Variants in LHX9 observed in about 807,000 individuals in gnomAD.
LHX9 encodes the protein LIM homeobox 9.
LHX9 carries 9 observed loss-of-function variants against 36.5 expected under a neutral mutation model. The observed-to-expected ratio is 0.25, with a 90% CI of 0.15 to 0.43. The LOEUF (loss-of-function observed/expected upper bound fraction) is 0.43. LHX9 is among the 20% of genes least tolerant of loss of function. The pLI, the probability that LHX9 is intolerant of heterozygous loss-of-function variation, is 1.00. For synonymous variants in LHX9, 211 were observed against 212.1 expected, an observed-to-expected ratio of 0.99 and a Z score of 0.04; for missense variants, 464 against 526.4, an observed-to-expected ratio of 0.88 and a Z score of 1.16.
chr1:197,929,192 T>C lies in LHX9; in HGVS notation c.1127T>C (p.Val376Ala). 1.2e-6 allele frequency: 2 copies of C among 1,603,020 alleles called. No individual in the cohort carries two copies. Among genetic ancestry groups the C allele is most frequent in the African/African-American group, 1.3e-5 (1 of 74,440 alleles). Residue 376 changes from valine to alanine, a missense_variant, in exon 5 of 5, where the codon GTG becomes GCG. Coordinates refer to ENST00000367387, the MANE Select transcript of LHX9 (RefSeq NM_020204.3). ...TNPTITVVTS[V>A]TSNMDSHESG... ...CCCACTATCACTGTAGTGACATCCG[T>C]GACCTCTAACATGGACAGCCACGAA...
At chr1:197,919,272 A>G (rs1182550123) in intron 1 of LHX9, among the ~76,000 whole-genome samples, 3 of 152,238 alleles carry the variant, frequency 2.0e-5, no homozygotes, top group Non-Finnish European at 4.4e-5. Context: ...CAGATTTTCA[A>G]GACAAAGGTC....
upstream of LHX9, chr1:197,916,515 C>T (rs1388961408): frequency 1.7e-6 from 1 of 606,060 alleles, no homozygotes; most frequent in East Asian, 2.8e-5. Flanking sequence ...TCAAATGAGA[C>T]ATTAGAATCT....
At chr1:197,917,192 C>T (rs1280653352), upstream of LHX9, 1 of 980,574 alleles carries the variant, frequency 1.0e-6, no homozygotes, top group Non-Finnish European at 1.2e-6. Context: ...TCTATCCCCC[C>T]ACCCCTTTGT....
chr1:197,920,124 C>A lies in LHX9; in HGVS notation c.327C>A (p.Leu109=), dbSNP rs758092976. ...CECKLALESE[L]TCFAKDGSIY... is the part of the protein sequence containing the mutation. Reference sequence around the variant, plus strand: ...GTAAGCTGGCCCTCGAGTCCGAGCTCACCTGCTTTGCCAAGGACGGTAGCA... The same window carrying A: ...GTAAGCTGGCCCTCGAGTCCGAGCTAACCTGCTTTGCCAAGGACGGTAGCA... Residue 109 remains leucine, a synonymous_variant, in exon 2 of 5, where the codon CTC becomes CTA. Transcript: ENST00000367387. The A allele has an allele frequency of 2.5e-6, 4 of 1,614,122 alleles. No individual in the cohort carries two copies. The African/African-American group carries it at 5.3e-5, about 22-fold the overall frequency.
intron 1 of LHX9, 67 bp from the exon 2 acceptor site, chr1:197,919,905 G>C: frequency 6.4e-7 from 1 of 1,552,062 alleles, no homozygotes; most frequent in African/African-American, 1.3e-5. Flanking sequence ...TCTGCCTGGG[G>C]GAGAACCCCG....
chr1:197,927,563 A>T, intron 3 of LHX9, 28 bp from the exon 4 acceptor site: 1 of 1,587,522 alleles, frequency 6.3e-7, no homozygotes, highest in Non-Finnish European at 8.7e-7. Flanking sequence ...TCCACTGAGC[A>T]GTTGTTTGTT....
intron 1 of LHX9, chr1:197,918,436 T>C (rs1659850603): frequency 2.8e-6 from 2 of 714,838 alleles, no homozygotes; most frequent in South Asian, 1.5e-5. Flanking sequence ...TCTCTGGGCC[T>C]GATGACCGGA....
chr1:197,917,583 ATTGT>A lies in LHX9; in HGVS notation c.-234_-231del, dbSNP rs1203038457. The A allele has an allele frequency of 2.0e-6, 3 of 1,500,238 alleles. No individual in the cohort carries two copies. Among genetic ancestry groups the A allele is most frequent in the South Asian group, 2.5e-5 (2 of 80,780 alleles). The allele number at this position is 1,500,238 out of a possible 1,614,324, so 92.9% of individuals were successfully genotyped here. A position where few individuals can be genotyped will look rare whatever the true frequency, so the allele number is the denominator to read the frequency against. On this transcript the variant is annotated 5_prime_UTR_variant, in exon 1 of 5. Coordinates refer to ENST00000367387, the MANE Select transcript of LHX9 (RefSeq NM_020204.3). Reference sequence around the variant, plus strand: ...TACGCCTCTTTTTCCCTCCGCCCGAATTGTTTGTTTTCTGCACATCTCCTTCAGG... The same window carrying A: ...TACGCCTCTTTTTCCCTCCGCCCGAATTGTTTTCTGCACATCTCCTTCAGG...
upstream of LHX9, chr1:197,912,754 T>C: frequency 1.5e-6 from 1 of 654,972 alleles, no homozygotes; most frequent in Non-Finnish European, 2.7e-6. Flanking sequence ...ATAGGACTCC[T>C]GAAACCCTCC....
upstream of LHX9, chr1:197,916,579 C>A: frequency 1.5e-6 from 1 of 680,620 alleles, no homozygotes; most frequent in Non-Finnish European, 2.7e-6. Context: ...CGCCCTATGG[C>A]CAAGGCGCAA....
Position 197,917,598 on chromosome 1 carries a change from C to G in LHX9, c.-226C>G. The G allele has an allele frequency of 6.6e-7, 1 of 1,508,616 alleles. No homozygotes were observed. The highest frequency in any genetic ancestry group is 8.9e-7 in the Non-Finnish European group (1 of 1,125,806). 93.5% of individuals were successfully genotyped at this position (1,508,616 alleles called of 1,614,324 possible). A position where few individuals can be genotyped will look rare whatever the true frequency, so the allele number is the denominator to read the frequency against. ...CTCCGCCCGAATTGTTTGTTTTCTG[C>G]ACATCTCCTTCAGGGAGCCGCTGAG... On this transcript the variant is annotated 5_prime_UTR_variant, in exon 1 of 5. Transcript: ENST00000367387.
chr1:197,929,804 T>C lies in LHX9; in HGVS notation c.*545T>C, dbSNP rs1660274893. The C allele has an allele frequency of 1.1e-6, 1 of 941,586 alleles. No individual in the cohort carries two copies. Among genetic ancestry groups the C allele is most frequent in the African/African-American group, 1.8e-5 (1 of 56,324 alleles). The allele number at this position is 941,586 out of a possible 1,614,324, so 58.3% of individuals were successfully genotyped here. ...TTCTTACCTGAACTGTTAATTCAAG[T>C]GAGGAATATGATGAAATAAAAGCAT... is the stretch of plus-strand genomic sequence containing the variant. On this transcript the variant is annotated 3_prime_UTR_variant, in exon 5 of 5. Transcript: ENST00000367387.
In LHX9 at chr1:197,927,872, G is replaced by C. The variant is rs6428423; in HGVS notation, c.936+79G>C. 3.3e-3 allele frequency: 4,184 copies of C among 1,254,288 alleles called. 110 individuals carry two copies. In the African/African-American group the frequency reaches 0.054, roughly 16 times the overall value. The allele number at this position is 1,254,288 out of a possible 1,614,324, so 77.7% of individuals were successfully genotyped here. A position where few individuals can be genotyped will look rare whatever the true frequency, so the allele number is the denominator to read the frequency against. Reference sequence around the variant, plus strand: ...AAAATAGTGCTCTTCCCTGGTTAGAGTGACGCAGATATTTCCTATATTGCT... The same window carrying C: ...AAAATAGTGCTCTTCCCTGGTTAGACTGACGCAGATATTTCCTATATTGCT... On this transcript the variant is annotated intron_variant, in intron 4 of 4. Coordinates refer to ENST00000367387, the MANE Select transcript of LHX9 (RefSeq NM_020204.3).
rs1217780243 is a variant in LHX9 at position 197,917,487 on chromosome 1, T to C, written c.-337T>C. 5 of 1,370,872 alleles carry C rather than the reference T, an allele frequency of 3.6e-6. No homozygotes were observed. The African/African-American group carries it at 7.3e-5, about 20-fold the overall frequency. The allele number at this position is 1,370,872 out of a possible 1,614,324, so 84.9% of individuals were successfully genotyped here. On this transcript the variant is annotated 5_prime_UTR_variant, in exon 1 of 5. Transcript: ENST00000367387. ...ACTATTTTCTTTCTTCACCAGATTT[T>C]GTTTTCCTCCCCCCGCTGCAGTTGT... is the stretch of plus-strand genomic sequence containing the variant.
At chr1:197,924,162 C>T (rs1458641407) in intron 3 of LHX9, among the ~76,000 whole-genome samples, 2 of 152,156 alleles carry the variant, frequency 1.3e-5, no homozygotes, top group South Asian at 2.1e-4. Flanking sequence ...AAATTAAACA[C>T]GCGTTAAAAT....
Position 197,929,106 on chromosome 1 carries a change from A to T in LHX9, c.1041A>T (p.Ser347=), listed in dbSNP as rs761775507. 2.5e-6 allele frequency: 4 copies of T among 1,613,648 alleles called. No homozygotes were observed. The highest frequency in any genetic ancestry group is 3.3e-5 in the Admixed American group (2 of 59,928). Residue 347 remains serine, a synonymous_variant, in exon 5 of 5, where the codon TCA becomes TCT. Transcript: ENST00000367387. The part of the protein sequence containing the change: ...ADGTSLPAPP[S]ADSGALTPPG... ...GCACGTCGCTTCCGGCCCCGCCCTC[A>T]GCAGACAGCGGAGCTCTCACTCCAC...
At position 197,921,697 on chromosome 1, in the gene LHX9, C is replaced by T. The variant is rs764896037; in HGVS notation, c.733+38C>T. On this transcript the variant is annotated intron_variant, in intron 3 of 4. Transcript: ENST00000367387. This position sits in a 1 kb window ranked among gnomAD's most constrained non-coding sequence, Gnocchi z 4.6. ...TCCTCACCCCCGGCGCAGCCCCGGCCTCCCTGAGGAAAATTCGTAGAGCTC... is the reference window on the plus strand; with the variant it reads ...TCCTCACCCCCGGCGCAGCCCCGGCTTCCCTGAGGAAAATTCGTAGAGCTC... 2.7e-6 allele frequency: 4 copies of T among 1,485,682 alleles called. No homozygotes were observed. The Admixed American group carries it at 6.3e-5, about 23-fold the overall frequency. The allele number at this position is 1,485,682 out of a possible 1,614,324, so 92.0% of individuals were successfully genotyped here. A position where few individuals can be genotyped will look rare whatever the true frequency, so the allele number is the denominator to read the frequency against.
upstream of LHX9, chr1:197,917,290 G>C: frequency 8.1e-7 from 1 of 1,229,362 alleles, no homozygotes; most frequent in South Asian, 1.5e-5. Context: ...GGCAGCTCCG[G>C]GGAGAGAACT....
At chr1:197,919,632 C>A (rs1485319566) in intron 1 of LHX9, among the ~76,000 whole-genome samples, 2 of 152,222 alleles carry the variant, frequency 1.3e-5, no homozygotes, top group Non-Finnish European at 2.9e-5. Flanking sequence ...TCGAAAACCA[C>A]AATTTTTAGC....
Sources: gnomAD v4.1 joint callset for allele counts (sites outside exome capture counted in the v4.1 genomes callset) on GRCh38, gnomAD v4.1.1 for gene constraint, Gnocchi (gnomAD v3.1) non-coding constraint, MANE v1.5 for transcripts, NCBI Gene and HGNC (gene_info 2026-07-23, HGNC 2026-07-21) for gene names.